NLRP7: variants seen among roughly 807,000 people sequenced by gnomAD.
NLRP7 encodes NLR family pyrin domain containing 7.
In NLRP7, 72 loss-of-function variants were observed where a neutral mutation model predicts 85.5. The ratio of observed to expected loss-of-function variants is 0.84; its 90% CI spans 0.70 to 1.02. NLRP7 has a LOEUF of 1.02. Ranked by LOEUF, NLRP7 falls within the 50% of genes least tolerant of loss-of-function variation. The probability of loss-of-function intolerance (pLI) is 0.00; values close to 1 mark genes in which losing one functional copy is unlikely to be tolerated. For synonymous variants in NLRP7, 550 were observed against 505.2 expected (o/e 1.09, Z -1.19); for missense variants, 1,243 against 1,219.5 (o/e 1.02, Z -0.29).
rs977393500 is a variant in NLRP7, at chr19:54,937,818, A to C, written c.2129+226T>G. On this transcript the variant is annotated intron_variant, in intron 5 of 9. Transcript: ENST00000340844. The stretch of plus-strand genomic sequence containing the variant: ...AGGCTGAGGCAGGAGAATTGCTTGA[A>C]CCTGGGAGGTGGAGGATGCAGTGAG... Among the ~76,000 whole-genome samples the C allele has an allele frequency of 7.5e-5, 11 of 145,898 alleles. No individual in the cohort carries two copies. The East Asian group carries it at 2.0e-3, about 27-fold the overall frequency.
In NLRP7 at chr19:54,963,267, G is replaced by A. The variant is rs149520720; in HGVS notation, c.-77+2773C>T. Among the ~76,000 whole-genome samples the A allele has an allele frequency of 7.3e-3, 1,109 of 152,080 alleles. 13 individuals are homozygous for A. Among genetic ancestry groups the A allele is most frequent in the South Asian group, 0.022 (104 of 4,814 alleles). ...CAAAAATCTAGTCAGGCGTGATGGC[G>A]TATGCCTGTAGCCTTCAGTAAGCTA... On this transcript the variant is annotated intron_variant, in intron 1 of 2. Transcript: ENST00000587103.
At chr19:54,923,549 G>A (rs569251968) in exon 10 of NLRP7, 5 of 674,346 alleles carry the variant, frequency 7.4e-6, no homozygotes, top group African/African-American at 1.8e-5. Context: ...CTGTGAGAAA[G>A]TACATAGCGT....
At chr19:54,927,157 G>A (rs1214898982) in intron 9 of NLRP7, among the ~76,000 whole-genome samples, 2 of 151,602 alleles carry the variant, frequency 1.3e-5, no homozygotes, top group African/African-American at 4.8e-5. Flanking sequence ...GGGAGGCCGA[G>A]GCAGGTGGCT....
intron 1 of NLRP7, among the ~76,000 whole-genome samples, chr19:54,959,264 G>C (rs1480153552): frequency 6.9e-6 from 1 of 144,528 alleles, no homozygotes; most frequent in Non-Finnish European, 1.5e-5. Flanking sequence ...TCATCCTTCC[G>C]AGTAGCTGGG....
At chr19:54,939,389 G>A (rs2069102631) in exon 4 of NLRP7, 1 of 1,614,020 alleles carries the variant, frequency 6.2e-7, no homozygotes, top group African/African-American at 1.3e-5. Context: ...GTAGAACAGG[G>A]CAGTGAGAAA....
chr19:54,947,567 A>G, upstream of NLRP7: 2 of 1,289,672 alleles, frequency 1.6e-6, no homozygotes, highest in Non-Finnish European at 2.0e-6. Context: ...GTGGAGAGAC[A>G]GCTTTCCCGC....
Position 54,940,480 on chromosome 19 carries a change from C to CCAGG in NLRP7, c.353-15_353-14insCCTG. 1 of 1,613,072 alleles carries CCAGG rather than the reference C, an allele frequency of 6.2e-7. No individual in the cohort carries two copies. The highest frequency in any genetic ancestry group is 8.5e-7 in the Non-Finnish European group (1 of 1,179,586). The stretch of plus-strand genomic sequence containing the variant: ...CTTCCTTTTCACCTGCAGTGACAGC[C>CCAGG]CATAGGACAGTTGAGGTTGATGATG... On this transcript the variant is annotated splice_polypyrimidine_tract_variant and intron_variant, in intron 3 of 9. Coordinates refer to ENST00000340844, the Ensembl canonical transcript of NLRP7.
At position 54,939,456 on chromosome 19, in the gene NLRP7, G is replaced by A. The variant is rs760947972; in HGVS notation, c.1363C>T (p.Arg455Cys). ...CAGCCTTTGGAGACTCTGTCCTGGCGGAGGATGTCTCCGTCCAGGAACAGA... is the reference window on the plus strand; with the variant it reads ...CAGCCTTTGGAGACTCTGTCCTGGCAGAGGATGTCTCCGTCCAGGAACAGA... Residue 455 changes from arginine (R) to cysteine (C), a missense_variant, in exon 4 of 10, where the codon CGC becomes TGC. Arg to Cys is a radical substitution (Grantham distance 180). Transcript: ENST00000340844. The A allele has an allele frequency of 6.8e-6, 11 of 1,613,872 alleles. No homozygotes were observed. The highest frequency in any genetic ancestry group is 5.0e-5 in the Admixed American group (3 of 59,970).
chr19:54,927,610 T>G (rs1170947263), intron 9 of NLRP7: 6 of 1,613,712 alleles, frequency 3.7e-6, no homozygotes, highest in Non-Finnish European at 8.5e-7. Context: ...CATACCTGAG[T>G]ATCTTCAAGG....
chr19:54,938,321 C>G (rs1298787280), intron 4 of NLRP7, 80 bp from the exon 5 acceptor site: 1 of 1,110,202 alleles, frequency 9.0e-7, no homozygotes, highest in African/African-American at 1.5e-5. Flanking sequence ...ATTTCAATGG[C>G]AAAAACCACA....
At position 54,934,187 on chromosome 19, in the gene NLRP7, C is replaced by T. The variant is rs370992752; in HGVS notation, c.2471+302G>A. On this transcript the variant is annotated intron_variant, in intron 7 of 9. Transcript: ENST00000340844. The surrounding 1 kb of genome is among the most constrained non-coding windows in gnomAD (Gnocchi z 6.7). ...CGATCTCTTGACCTCGTGATCTCCCCGCCTTGGCCTCCCAACGTGCTGGGA... is the reference window on the plus strand; with the variant it reads ...CGATCTCTTGACCTCGTGATCTCCCTGCCTTGGCCTCCCAACGTGCTGGGA... Among the ~76,000 whole-genome samples the T allele has an allele frequency of 1.6e-4, 24 of 152,278 alleles. No individual in the cohort carries two copies. Among genetic ancestry groups the T allele is most frequent in the South Asian group, 1.0e-3 (5 of 4,822 alleles).
At chr19:54,953,838 A>C (rs564700398) in intron 1 of NLRP7, among the ~76,000 whole-genome samples, 258 of 130,618 alleles carry the variant, frequency 2.0e-3, no homozygotes, top group African/African-American at 7.0e-3. Context: ...ATCTCTACTA[A>C]AAAAAAAAAA....
chr19:54,947,699 G>A (rs2069536084), upstream of NLRP7: 3 of 1,229,626 alleles, frequency 2.4e-6, no homozygotes, highest in Non-Finnish European at 3.2e-6. Context: ...GCTTCAGTGG[G>A]CTTTGGAGAA....
chr19:54,955,685 G>C (rs1199485320), intron 1 of NLRP7, among the ~76,000 whole-genome samples: 1 of 152,062 alleles, frequency 6.6e-6, no homozygotes, highest in Non-Finnish European at 1.5e-5. Flanking sequence ...TACTCGGGAG[G>C]CTGAGGCAGG....
chr19:54,932,733 G>A (rs1484223507), intron 8 of NLRP7, among the ~76,000 whole-genome samples: 1 of 151,816 alleles, frequency 6.6e-6, no homozygotes, highest in East Asian at 1.9e-4. Flanking sequence ...TCAGCTCACT[G>A]CAGCCTCTGC....
chr19:54,926,959 G>A (rs2068469557), intron 9 of NLRP7, among the ~76,000 whole-genome samples: 1 of 148,514 alleles, frequency 6.7e-6, no homozygotes, highest in African/African-American at 2.5e-5. Context: ...CTGTGGTGGT[G>A]TGTACCTGTA....
rs767749726 is a variant in NLRP7 at position 54,940,062 on chromosome 19, C to G, written c.757G>C (p.Asp253His). The change falls in exon 4 of 10, where the codon GAT (aspartate) becomes CAT (histidine). Residue 253 changes from aspartate (D) to histidine (H), a missense_variant. Asp to His is a moderately conservative substitution (Grantham distance 81, BLOSUM62 -1). Around this residue, in one of 3 missense-constraint regions of NLRP7, gnomAD observed 591 missense variants for 563.3 expected, o/e 1.05. Transcript: ENST00000340844. ...GGGACTTTCAGCTCATCAAGGCCAT[C>G]GACCACGAACAGGATTCTCTGTGCT... The G allele has an allele frequency of 3.7e-6, 6 of 1,614,160 alleles. No individual in the cohort carries two copies. The South Asian group carries it at 4.4e-5, about 12-fold the overall frequency.
intron 1 of NLRP7, among the ~76,000 whole-genome samples, chr19:54,960,446 G>A (rs113970199): frequency 0.035 from 5,261 of 151,132 alleles, 184 homozygotes; most frequent in Middle Eastern, 0.083. Flanking sequence ...TTAAGCCACC[G>A]CGCTCAACCA....
rs1197520602 is a variant in NLRP7, at chr19:54,965,617, G to A, written c.-77+423C>T. On this transcript the variant is annotated intron_variant, in intron 1 of 2. Coordinates refer to the NLRP7 transcript ENST00000587103. ...ACTACAGGCGCCCGCCACCACGCCC[G>A]GCTAATTTTTTGTATTTTTAGTAGG... Among the ~76,000 whole-genome samples the A allele has an allele frequency of 3.7e-4, 4 of 10,868 alleles. 1 individual carries two copies. The highest frequency in any genetic ancestry group is 1.5e-3 in the African/African-American group (3 of 1,998). 7.1% of individuals were successfully genotyped at this position (10,868 alleles called of 152,430 possible).
Sources: gnomAD v4.1 joint callset for allele counts (sites outside exome capture counted in the v4.1 genomes callset) on GRCh38, gnomAD v4.1.1 for gene constraint, gnomAD v4.1.1 regional missense constraint, Gnocchi (gnomAD v3.1) non-coding constraint, MANE v1.5 for transcripts, NCBI Gene and HGNC (gene_info 2026-07-23, HGNC 2026-07-21) for gene names.